The following ANK1 variants were observed in gnomAD, a reference collection of about 807,000 sequenced individuals.
ANK1 encodes ankyrin-1.
Under a neutral mutation model 210.4 loss-of-function variants are expected in ANK1, and 51 were observed. The ratio of observed to expected loss-of-function variants is 0.24; its 90% CI spans 0.19 to 0.31. ANK1 has a LOEUF of 0.31. Among genes scored for constraint, ANK1 ranks in the 10% least tolerant of loss-of-function variants. The probability of loss-of-function intolerance (pLI) is 1.00; values close to 1 mark genes in which losing one functional copy is unlikely to be tolerated. For synonymous variants in ANK1, 967 were observed against 1,025.9 expected, an observed-to-expected ratio of 0.94 and a Z score of 1.10; for missense variants, 2,051 against 2,504.4, an observed-to-expected ratio of 0.82 and a Z score of 3.86.
intron 39 of ANK1, 85 bp downstream of exon 39, chr8:41,668,182 G>A (rs1418039061): frequency 6.4e-7 from 1 of 1,564,952 alleles, no homozygotes; most frequent in Non-Finnish European, 8.8e-7. Flanking sequence ...CTCAGGGCTT[G>A]AGTGCCTGAG....
chr8:41,688,351 G>GC, intron 34 of ANK1, 121 bp from the exon 35 acceptor site: 1 of 1,432,142 alleles, frequency 7.0e-7, no homozygotes, highest in South Asian at 1.1e-5. Context: ...TAGACTCTCT[G>GC]CAAGATCAGG....
chr8:41,734,177 G>T, intron 2 of ANK1, 108 bp from the exon 3 acceptor site: 1 of 949,550 alleles, frequency 1.1e-6, no homozygotes, highest in Non-Finnish European at 1.7e-6. Context: ...TCACAGCACT[G>T]GAGAAAAGGA....
At chr8:41,731,396 G>C (rs1389716769) in intron 3 of ANK1, among the ~76,000 whole-genome samples, 1 of 152,304 alleles carries the variant, frequency 6.6e-6, no homozygotes, top group East Asian at 1.9e-4. Flanking sequence ...CCAAGTGAGA[G>C]AGCAGGCTTT....
intron 1 of ANK1, among the ~76,000 whole-genome samples, chr8:41,762,168 G>A (rs1461175847): frequency 6.6e-6 from 1 of 152,108 alleles, no homozygotes; most frequent in Non-Finnish European, 1.5e-5. Context: ...TGTCCTCTGT[G>A]ACATTCTCAT....
intron 1 of ANK1, among the ~76,000 whole-genome samples, chr8:41,851,846 A>C (rs926076865): frequency 6.6e-6 from 1 of 152,106 alleles, no homozygotes; most frequent in Admixed American, 6.5e-5. Context: ...ACAGAGCCAG[A>C]TCCTGTCTCT....
intron 1 of ANK1, among the ~76,000 whole-genome samples, chr8:41,793,394 T>TA (rs80355097): frequency 0.019 from 2,931 of 150,460 alleles, 102 homozygotes; most frequent in African/African-American, 0.063. Context: ...AAACAAACAA[T>TA]AAAAAAAAAT....
At chr8:41,860,800 G>A (rs533147535) in intron 1 of ANK1, among the ~76,000 whole-genome samples, 13 of 152,246 alleles carry the variant, frequency 8.5e-5, no homozygotes, top group African/African-American at 2.9e-4. Context: ...TGCTGTGGGG[G>A]CCAAATGAAA....
At chr8:41,888,178 C>G (rs1345527977) in intron 1 of ANK1, among the ~76,000 whole-genome samples, 1 of 152,220 alleles carries the variant, frequency 6.6e-6, no homozygotes, top group Non-Finnish European at 1.5e-5. Flanking sequence ...AGGAAGCCAC[C>G]TATGCCACAT....
intron 1 of ANK1, among the ~76,000 whole-genome samples, chr8:41,879,787 C>T (rs80133342): frequency 0.014 from 2,182 of 152,342 alleles, 19 homozygotes; most frequent in Middle Eastern, 0.027. Context: ...CAGGGCTCCT[C>T]TCACAGACCA....
At chr8:41,661,034 T>C (rs1022045761) in intron 42 of ANK1, 6 of 279,134 alleles carry the variant, frequency 2.1e-5, no homozygotes, top group Admixed American at 2.0e-4. Context: ...ATTTTTTTCT[T>C]TCTGGCTTTT....
At chr8:41,673,909 G>T (rs1411937181) in intron 37 of ANK1, among the ~76,000 whole-genome samples, 1 of 152,202 alleles carries the variant, frequency 6.6e-6, no homozygotes, top group Non-Finnish European at 1.5e-5. Flanking sequence ...CAGAGCTGAA[G>T]GGGGACCCTG....
chr8:41,893,693 T>C (rs371421779), intron 1 of ANK1, among the ~76,000 whole-genome samples: 12 of 152,300 alleles, frequency 7.9e-5, no homozygotes, highest in African/African-American at 2.9e-4. Context: ...GGCTCAGCTA[T>C]CCATCCACAC....
At chr8:41,696,280 T>C in intron 26 of ANK1, 83 bp downstream of exon 26, 1 of 1,480,100 alleles carries the variant, frequency 6.8e-7, no homozygotes, top group Non-Finnish European at 9.4e-7. Context: ...CCCAGTTCTG[T>C]TTCCCCATCA....
At position 41,668,289 on chromosome 8, in the gene ANK1, T is replaced by A. The variant is rs201370791; in HGVS notation, c.5372A>T (p.Asn1791Ile). The part of the protein sequence containing the change: ...GQEEQVQEAK[N>I]TFTQVVQGNE... ...CACCTGCACCACTTGGGTGAAGGTGTTCTTGGCCTCCTGCACCTGCTCTTC... is the reference window on the plus strand; with the variant it reads ...CACCTGCACCACTTGGGTGAAGGTGATCTTGGCCTCCTGCACCTGCTCTTC... Residue 1791 changes from asparagine (N) to isoleucine (I), a missense_variant, in exon 39 of 43, where the codon AAC (asparagine) becomes ATC (isoleucine). Transcript: ENST00000289734. The A allele has an allele frequency of 4.5e-5, 73 of 1,614,170 alleles. No homozygotes were observed. In the East Asian group the frequency reaches 1.6e-3, roughly 35 times the overall value.
intron 39 of ANK1, among the ~76,000 whole-genome samples, chr8:41,665,984 A>G (rs922553711): frequency 6.6e-6 from 1 of 152,170 alleles, no homozygotes; most frequent in Non-Finnish European, 1.5e-5. Flanking sequence ...GGCTGGAAAA[A>G]ATTTCACTTT....
intron 1 of ANK1, among the ~76,000 whole-genome samples, chr8:41,759,959 C>T (rs953347694): frequency 2.6e-5 from 4 of 152,090 alleles, no homozygotes; most frequent in Admixed American, 6.5e-5. Flanking sequence ...ATTCATGAGC[C>T]GAACCTCCCA....
rs935365220 is a variant in ANK1 at position 41,854,373 on chromosome 8, C to T, written c.126+41982G>A. 1.6e-4 allele frequency among the ~76,000 whole-genome samples: 25 copies of T among 152,352 alleles called. 1 individual carries two copies. Among genetic ancestry groups the T allele is most frequent in the Middle Eastern group, 6.8e-3 (2 of 294 alleles). ...AGCTCAGCTTGGTCCCCAATCCCAT[C>T]AAGCCAATCAAGGAGCCAAATAATT... On this transcript the variant is annotated intron_variant, in intron 1 of 42. Coordinates refer to the ANK1 transcript ENST00000265709.
chr8:41,862,461 C>G (rs1349434606), intron 1 of ANK1, among the ~76,000 whole-genome samples: 1 of 152,030 alleles, frequency 6.6e-6, no homozygotes, highest in Non-Finnish European at 1.5e-5. Context: ...ATTCATCTTC[C>G]CAGGTCAGAC....
chr8:41,877,994 G>A (rs1011566882), intron 1 of ANK1, among the ~76,000 whole-genome samples: 36 of 152,186 alleles, frequency 2.4e-4, no homozygotes, highest in African/African-American at 8.4e-4. Flanking sequence ...CTAGCGCCCA[G>A]CAGAAGGTCA....
Sources: allele counts gnomAD v4.1 joint callset (sites outside exome capture counted in the v4.1 genomes callset), GRCh38; gene constraint gnomAD v4.1.1; transcripts MANE v1.5; gene names NCBI Gene and HGNC (gene_info 2026-07-23, HGNC 2026-07-21).